Variants in CENPF observed in about 807,000 individuals in gnomAD.
CENPF encodes AH antigen.
In CENPF, 214 loss-of-function variants were observed where a neutral mutation model predicts 307.3. The observed-to-expected ratio is 0.70, with a 90% CI of 0.62 to 0.78. The LOEUF (loss-of-function observed/expected upper bound fraction) is 0.78, where lower values mean the gene tolerates loss of function less well. Ranked by LOEUF, CENPF falls within the 30% of genes least tolerant of loss-of-function variation. The pLI is 0.00. For missense variants in CENPF, 3,401 were observed against 3,483.9 expected, an observed-to-expected ratio of 0.98 and a Z score of 0.60; for synonymous variants, 1,259 against 1,270.6, an observed-to-expected ratio of 0.99 and a Z score of 0.19.
Position 214,640,553 on chromosome 1 carries a change from C to G in CENPF, c.2215C>G (p.Leu739Val), listed in dbSNP as rs967347406. 1.2e-5 allele frequency: 19 copies of G among 1,614,078 alleles called. No individual in the cohort carries two copies. The highest frequency in any genetic ancestry group is 5.0e-5 in the Admixed American group (3 of 60,010). The stretch of plus-strand genomic sequence containing the variant: ...GCAAGTTGAAGATCTAGAACACAAG[C>G]TTCAGTTACTGTCAAATGAAATAAT... ...TGQVEDLEHK[L>V]QLLSNEIMDK... The change falls in exon 12 of 20, where the codon CTT becomes GTT. Residue 739 changes from leucine (L) to valine (V), a missense_variant. By Grantham distance (32) the Leu-to-Val change is conservative. Transcript: ENST00000366955.
At chr1:214,605,658 GC>G in intron 1 of CENPF, 1 of 1,560,286 alleles carries the variant, frequency 6.4e-7, no homozygotes. Flanking sequence ...CTGAGGTCTG[GC>G]CGGTTGGTGC....
chr1:214,647,308 C>T lies in CENPF; in HGVS notation c.7738C>T (p.Gln2580Ter). 4 of 1,614,016 alleles carry T rather than the reference C, an allele frequency of 2.5e-6. No individual in the cohort carries two copies. The highest frequency in any genetic ancestry group is 1.1e-5 in the South Asian group (1 of 91,068). ...QVLQSKNASL[Q>*]DTLEVLQSSY... Reference sequence around the variant, plus strand: ...GCTACAATCCAAAAATGCCTCTTTGCAGGACACATTAGAAGTGCTGCAGAG... The same window carrying T: ...GCTACAATCCAAAAATGCCTCTTTGTAGGACACATTAGAAGTGCTGCAGAG... The change falls in exon 13 of 20, where the codon CAG (glutamine) becomes TAG (stop). Residue 2580 changes from glutamine (Q) to a stop codon, truncating the protein, a stop_gained. Coordinates refer to ENST00000366955, the MANE Select transcript of CENPF (RefSeq NM_016343.4). LOFTEE classifies it high-confidence loss of function.
chr1:214,608,455 C>G (rs1657100879), intron 1 of CENPF: 6 of 1,613,104 alleles, frequency 3.7e-6, no homozygotes, highest in Non-Finnish European at 5.1e-6. Context: ...AATGTAGAAG[C>G]TGCTCATCTG....
At position 214,620,785 on chromosome 1, in the gene CENPF, C is replaced by T; in HGVS notation, c.704C>T (p.Thr235Ile). The T allele has an allele frequency of 6.2e-7, 1 of 1,614,138 alleles. No homozygotes were observed. Among genetic ancestry groups the T allele is most frequent in the South Asian group, 1.1e-5 (1 of 91,082 alleles). ...PSHLSSNSQRTPIRRDFSASY... is the reference protein window; with the variant it reads ...PSHLSSNSQRIPIRRDFSASY... ...CATCTTTCATCTAATTCTCAAAGAA[C>T]TCCAATTAGGAGAGATTTCTCTGCA... The change falls in exon 6 of 20, where the codon ACT becomes ATT. Residue 235 changes from threonine to isoleucine, a missense_variant. Transcript: ENST00000366955.
At chr1:214,638,761 G>A (rs1186454515) in intron 11 of CENPF, among the ~76,000 whole-genome samples, 2 of 152,104 alleles carry the variant, frequency 1.3e-5, no homozygotes, top group Non-Finnish European at 2.9e-5. Flanking sequence ...CGGAGATTGC[G>A]CCACTGCACT....
In CENPF at chr1:214,645,051, A is replaced by G; in HGVS notation, c.5481A>G (p.Glu1827=). 1 of 1,613,846 alleles carries G rather than the reference A, an allele frequency of 6.2e-7. No individual in the cohort carries two copies. The highest frequency in any genetic ancestry group is 8.5e-7 in the Non-Finnish European group (1 of 1,179,976). The change falls in exon 13 of 20, where the codon GAA becomes GAG. Residue 1827 remains glutamate (E), a synonymous_variant. Transcript: ENST00000366955. ...TGACCAAAATTGAAGCATGCATAGAATTGGAAAAAATAGTTGGGGAACTTA... is the reference window on the plus strand; with the variant it reads ...TGACCAAAATTGAAGCATGCATAGAGTTGGAAAAAATAGTTGGGGAACTTA... The part of the protein sequence containing the change: ...QLMTKIEACI[E]LEKIVGELKK...
rs773270243 is a variant in CENPF at position 214,658,979 on chromosome 1, A to G, written c.9092A>G (p.Asn3031Ser). 1 of 1,614,090 alleles carries G rather than the reference A, an allele frequency of 6.2e-7. No homozygotes were observed. The highest frequency in any genetic ancestry group is 1.1e-5 in the South Asian group (1 of 91,070). The stretch of plus-strand genomic sequence containing the variant: ...TCCCCACTGAGTCTCGGCAAAGAAA[A>G]TCTTGCAGAGTCCTCCAAACCAACA... ...ALSPLSLGKE[N>S]LAESSKPTAG... The change falls in exon 19 of 20, where the codon AAT becomes AGT. Residue 3031 changes from asparagine (N) to serine (S), a missense_variant. Asn to Ser is a conservative substitution (Grantham distance 46). Coordinates refer to ENST00000366955, the MANE Select transcript of CENPF (RefSeq NM_016343.4).
In CENPF at chr1:214,643,337, G is replaced by A; in HGVS notation, c.4986+13G>A. 1.4e-6 allele frequency: 2 copies of A among 1,454,890 alleles called. No individual in the cohort carries two copies. The highest frequency in any genetic ancestry group is 1.8e-6 in the Non-Finnish European group (2 of 1,103,728). 90.1% of individuals were successfully genotyped at this position (1,454,890 alleles called of 1,614,324 possible). On this transcript the variant is annotated intron_variant, in intron 12 of 19. Coordinates refer to ENST00000366955, the MANE Select transcript of CENPF (RefSeq NM_016343.4). Reference sequence around the variant, plus strand: ...CGACACAGAAGATGTAAGTACCTGGGATTTAAATGCCATTTCTCGGTTTAC... The same window carrying A: ...CGACACAGAAGATGTAAGTACCTGGAATTTAAATGCCATTTCTCGGTTTAC...
chr1:214,655,134 A>G, intron 16 of CENPF, 107 bp from the exon 17 acceptor site: 1 of 692,292 alleles, frequency 1.4e-6, no homozygotes, highest in East Asian at 3.1e-5. Context: ...ATTGAATCTA[A>G]TAATTCTTAA....
rs570239670 is a variant in CENPF at position 214,657,171 on chromosome 1, A to C, written c.8724A>C (p.Pro2908=). Residue 2908 remains proline, a synonymous_variant, in exon 18 of 20, where the codon CCA becomes CCC. Transcript: ENST00000366955. ...RGSPLLGPVV[P]GPSPIPSVTE... is the part of the protein sequence containing the mutation. ...CTCCTTTGCTAGGTCCAGTTGTTCC[A>C]GGACCATCTCCAATCCCTTCTGTTA... 9.3e-6 allele frequency: 15 copies of C among 1,614,190 alleles called. No individual in the cohort carries two copies. The highest frequency in any genetic ancestry group is 1.3e-5 in the Non-Finnish European group (15 of 1,179,996).
At position 214,657,213 on chromosome 1, in the gene CENPF, A is replaced by T. The variant is rs780898098; in HGVS notation, c.8766A>T (p.Ser2922=). 1.1e-5 allele frequency: 17 copies of T among 1,614,176 alleles called. No individual in the cohort carries two copies. In the South Asian group the frequency reaches 1.9e-4, roughly 18 times the overall value. ...PIPSVTEKRL[S]SGQNKASGKR... ...CTTCTGTTACTGAAAAGAGGTTATC[A>T]TCTGGCCAAAATAAAGCTTCAGGCA... Residue 2922 remains serine, a synonymous_variant, in exon 18 of 20, where the codon TCA becomes TCT. Transcript: ENST00000366955.
chr1:214,648,891 G>A, intron 14 of CENPF, 64 bp downstream of exon 14: 1 of 1,523,014 alleles, frequency 6.6e-7, no homozygotes, highest in Non-Finnish European at 8.9e-7. Context: ...TCTCCTTATT[G>A]GTTCCTGTAA....
intron 8 of CENPF, among the ~76,000 whole-genome samples, chr1:214,630,054 A>T (rs1438014507): frequency 6.6e-6 from 1 of 152,218 alleles, no homozygotes; most frequent in Non-Finnish European, 1.5e-5. Context: ...ATGCCTGGAA[A>T]TGTTAGCTGA....
At chr1:214,610,108 T>A (rs1004207170) in intron 1 of CENPF, among the ~76,000 whole-genome samples, 1 of 151,926 alleles carries the variant, frequency 6.6e-6, no homozygotes, top group African/African-American at 2.4e-5. Flanking sequence ...TCCACCTGCC[T>A]TGGCCTCCCA....
chr1:214,607,410 G>A (rs560633825), intron 1 of CENPF, among the ~76,000 whole-genome samples: 60 of 152,310 alleles, frequency 3.9e-4, no homozygotes, highest in Non-Finnish European at 6.3e-4. Flanking sequence ...AGGAGGGGCC[G>A]AGGAAGTCGC....
rs1657730192 is a variant in CENPF, at chr1:214,628,924, A to G, written c.1069-122A>G. ...TGGGCTAATGCTTTACATCCTTGCT[A>G]ATAGTTCCTAAACATAAATTGTGTG... is the stretch of plus-strand genomic sequence containing the variant. On this transcript the variant is annotated intron_variant, in intron 7 of 19. Transcript: ENST00000366955. 8.7e-6 allele frequency: 6 copies of G among 689,620 alleles called. No homozygotes were observed. In the South Asian group the frequency reaches 1.5e-4, roughly 17 times the overall value. 42.7% of individuals were successfully genotyped at this position (689,620 alleles called of 1,614,324 possible). A position where few individuals can be genotyped will look rare whatever the true frequency, so the allele number is the denominator to read the frequency against.
At chr1:214,654,835 C>G (rs1475753288) in intron 16 of CENPF, among the ~76,000 whole-genome samples, 1 of 152,074 alleles carries the variant, frequency 6.6e-6, no homozygotes, top group Admixed American at 6.5e-5. Context: ...AAACAAATAC[C>G]AAGGCAGGTA....
At chr1:214,630,424 G>A in intron 8 of CENPF, 110 bp from the exon 9 acceptor site, 1 of 1,329,578 alleles carries the variant, frequency 7.5e-7, no homozygotes, top group East Asian at 2.3e-5. Flanking sequence ...TCAGCTCCCT[G>A]CTGTCTCCTG....
Position 214,641,021 on chromosome 1 carries a change from C to T in CENPF, c.2683C>T (p.His895Tyr), listed in dbSNP as rs1452072261. The T allele has an allele frequency of 8.9e-6, 14 of 1,569,870 alleles. No homozygotes were observed. Among genetic ancestry groups the T allele is most frequent in the Non-Finnish European group, 1.2e-5 (14 of 1,165,680 alleles). ...ISKLQEDTSA[H>Y]QNVVAETLSA... Reference sequence around the variant, plus strand: ...TAAGTTACAGGAAGACACTTCTGCTCACCAGAATGTTGTTGCTGAAACCTT... The same window carrying T: ...TAAGTTACAGGAAGACACTTCTGCTTACCAGAATGTTGTTGCTGAAACCTT... The change falls in exon 12 of 20, where the codon CAC (histidine) becomes TAC (tyrosine). Residue 895 changes from histidine to tyrosine, a missense_variant. Coordinates refer to ENST00000366955, the MANE Select transcript of CENPF (RefSeq NM_016343.4).
Sources: allele counts gnomAD v4.1 joint callset (sites outside exome capture counted in the v4.1 genomes callset), GRCh38; gene constraint gnomAD v4.1.1; transcripts MANE v1.5; gene names NCBI Gene and HGNC (gene_info 2026-07-23, HGNC 2026-07-21).